The following MYT1L variants were observed in gnomAD, a reference collection of about 807,000 sequenced individuals.
The protein encoded by MYT1L is myelin transcription factor 1-like protein.
A neutral mutation model predicts 126.7 loss-of-function variants in MYT1L; 12 were observed. The observed-to-expected ratio is 0.09, with a 90% CI of 0.06 to 0.15. The LOEUF (loss-of-function observed/expected upper bound fraction) is 0.15. Ranked by LOEUF, MYT1L falls within the 10% of genes least tolerant of loss-of-function variation. MYT1L has a pLI of 1.00. For missense variants in MYT1L, 979 were observed against 1,585.2 expected (o/e 0.62, Z 6.49); for synonymous variants, 541 against 604.2 (o/e 0.90, Z 1.53).
chr2:1,919,005 C>T (rs2053214214), intron 10 of MYT1L, among the ~76,000 whole-genome samples: 1 of 152,112 alleles, frequency 6.6e-6, no homozygotes, highest in African/African-American at 2.4e-5. Context: ...CAATCATAAA[C>T]TTGAGATAAG....
At position 1,801,467 on chromosome 2, in the gene MYT1L, C is replaced by T. The variant is rs1278801082; in HGVS notation, c.3276+229G>A. ...TTCACAAATGCACTTTATTAAAAAA[C>T]ACAAACACACATGCAGACTGAAAAC... On this transcript the variant is annotated intron_variant, in intron 23 of 24. Coordinates refer to ENST00000647738, the MANE Select transcript of MYT1L (RefSeq NM_001303052.2). The surrounding 1 kb of genome is among the most constrained non-coding windows in gnomAD (Gnocchi z 4.2). 4 of 429,596 alleles carry T rather than the reference C, an allele frequency of 9.3e-6. No homozygotes were observed. The highest frequency in any genetic ancestry group is 1.6e-5 in the Non-Finnish European group (4 of 244,730). The allele number at this position is 429,596 out of a possible 1,614,324, so 26.6% of individuals were successfully genotyped here.
At position 1,809,073 on chromosome 2, in the gene MYT1L, C is replaced by T. The variant is rs182939663; in HGVS notation, c.3172+3G>A. ...GTGCCACGAGGGCTGGAGGGGTGCTCACCGTTGCTGGCCCGCTGTTTGATG... is the reference window on the plus strand; with the variant it reads ...GTGCCACGAGGGCTGGAGGGGTGCTTACCGTTGCTGGCCCGCTGTTTGATG... On this transcript the variant is annotated splice_donor_region_variant and intron_variant, in intron 22 of 24. Coordinates refer to ENST00000647738, the MANE Select transcript of MYT1L (RefSeq NM_001303052.2). The T allele has an allele frequency of 1.4e-5, 22 of 1,613,830 alleles. No homozygotes were observed. In the African/African-American group the frequency reaches 2.8e-4, roughly 21 times the overall value.
chr2:2,216,324 A>G (rs2093676039), intron 2 of MYT1L, among the ~76,000 whole-genome samples: 1 of 152,236 alleles, frequency 6.6e-6, no homozygotes, highest in South Asian at 2.1e-4. Context: ...TTTCGACCAC[A>G]GTGGAGTTAG....
At chr2:2,288,896 C>T (rs556449100) in intron 1 of MYT1L, among the ~76,000 whole-genome samples, 2 of 152,304 alleles carry the variant, frequency 1.3e-5, no homozygotes, top group South Asian at 4.1e-4. Context: ...TATTCTTCTT[C>T]AAATCGATAG....
At chr2:1,823,210 GACCCAGCAGGGGC>G (rs2038804727) in intron 21 of MYT1L, among the ~76,000 whole-genome samples, 2 of 152,228 alleles carry the variant, frequency 1.3e-5, no homozygotes, top group African/African-American at 4.8e-5. Flanking sequence ...TCCCCAGGCA[GACCCAGCAGGGGC>G]ACCCAGCTGG....
At chr2:1,998,009 A>T (rs1278643832) in intron 4 of MYT1L, among the ~76,000 whole-genome samples, 1 of 152,204 alleles carries the variant, frequency 6.6e-6, no homozygotes, top group Non-Finnish European at 1.5e-5. Flanking sequence ...TTGAAACTGA[A>T]TTATCTGTGT....
intron 4 of MYT1L, among the ~76,000 whole-genome samples, chr2:2,051,028 T>C (rs2068764098): frequency 6.6e-6 from 1 of 152,136 alleles, no homozygotes; most frequent in African/African-American, 2.4e-5. Context: ...AGAGGAGGTA[T>C]GCAACTTCTT....
intron 3 of MYT1L, among the ~76,000 whole-genome samples, chr2:2,163,433 GAAAC>G: frequency 6.6e-6 from 1 of 152,090 alleles, no homozygotes; most frequent in Non-Finnish European, 1.5e-5. Flanking sequence ...AATTAAGTAA[GAAAC>G]AAAACAGGCC....
intron 2 of MYT1L, among the ~76,000 whole-genome samples, chr2:2,187,566 A>C (rs1351422750): frequency 6.6e-6 from 1 of 151,708 alleles, no homozygotes; most frequent in Non-Finnish European, 1.5e-5. Flanking sequence ...GCACCAAACA[A>C]GCAGATGAGT....
At chr2:2,214,934 TAA>T (rs2093636259) in intron 2 of MYT1L, among the ~76,000 whole-genome samples, 1 of 152,108 alleles carries the variant, frequency 6.6e-6, no homozygotes, top group African/African-American at 2.4e-5. Context: ...GCACAAATGC[TAA>T]GAGGGAAAAA....
chr2:2,164,029 T>A (rs1214629905), intron 3 of MYT1L, among the ~76,000 whole-genome samples: 1 of 152,144 alleles, frequency 6.6e-6, no homozygotes, highest in Admixed American at 6.5e-5. Context: ...CACATATTTT[T>A]ATAAAAGAAT....
chr2:2,187,760 T>A (rs1434146223), intron 2 of MYT1L, among the ~76,000 whole-genome samples: 1 of 152,090 alleles, frequency 6.6e-6, no homozygotes, highest in Non-Finnish European at 1.5e-5. Context: ...ACTGGATAAG[T>A]TCTTGAAGCT....
intron 8 of MYT1L, among the ~76,000 whole-genome samples, chr2:1,951,311 G>A (rs1429601205): frequency 6.6e-6 from 1 of 152,044 alleles, no homozygotes; most frequent in Admixed American, 6.6e-5. Context: ...GGGACACAGG[G>A]GTTTGGGGAC....
chr2:1,966,540 TCTC>T (rs773896817), intron 8 of MYT1L, among the ~76,000 whole-genome samples: 1 of 152,020 alleles, frequency 6.6e-6, no homozygotes, highest in African/African-American at 2.4e-5. Context: ...CCCCAGCAAT[TCTC>T]CTCCTGGTCA....
intron 2 of MYT1L, among the ~76,000 whole-genome samples, chr2:2,180,413 G>C (rs759475156): frequency 5.9e-5 from 9 of 151,888 alleles, no homozygotes; most frequent in Non-Finnish European, 1.5e-5. Context: ...GAGAGAGCAA[G>C]TGATCATTTG....
chr2:1,902,976 G>T, intron 14 of MYT1L, 104 bp downstream of exon 14: 4 of 1,061,408 alleles, frequency 3.8e-6, no homozygotes, highest in Middle Eastern at 5.7e-4. Flanking sequence ...GGTACCCATT[G>T]AGTGACCACC....
chr2:2,015,213 A>G (rs2064250123), intron 4 of MYT1L, among the ~76,000 whole-genome samples: 1 of 152,196 alleles, frequency 6.6e-6, no homozygotes, highest in Non-Finnish European at 1.5e-5. Context: ...AGGGCCTTTA[A>G]GCACACGGCC....
intron 4 of MYT1L, among the ~76,000 whole-genome samples, chr2:2,040,858 C>T (rs1337746524): frequency 2.0e-5 from 3 of 152,088 alleles, no homozygotes; most frequent in African/African-American, 7.2e-5. Context: ...CTATAATTAA[C>T]TGGTTTCTAC....
At chr2:2,137,423 T>C (rs925661114) in intron 3 of MYT1L, among the ~76,000 whole-genome samples, 2 of 152,202 alleles carry the variant, frequency 1.3e-5, no homozygotes, top group African/African-American at 4.8e-5. Flanking sequence ...AGCATCACGC[T>C]ACCTGACTTC....
Sources: gnomAD v4.1 joint callset for allele counts (sites outside exome capture counted in the v4.1 genomes callset) on GRCh38, gnomAD v4.1.1 for gene constraint, Gnocchi (gnomAD v3.1) non-coding constraint, MANE v1.5 for transcripts, NCBI Gene and HGNC (gene_info 2026-07-23, HGNC 2026-07-21) for gene names.